TEAD3: variants seen among roughly 807,000 people sequenced by gnomAD.
The protein encoded by TEAD3 is transcriptional enhancer factor TEF-5.
Under a neutral mutation model 55.6 loss-of-function variants are expected in TEAD3, and 15 were observed. The observed-to-expected ratio is 0.27, with a 90% CI of 0.18 to 0.42. The LOEUF (loss-of-function observed/expected upper bound fraction) is 0.42, where lower values mean the gene tolerates loss of function less well. Ranked by LOEUF, TEAD3 falls within the 10% of genes least tolerant of loss-of-function variation. The pLI is 1.00. For missense variants in TEAD3, 407 were observed against 576.8 expected, an observed-to-expected ratio of 0.71 and a Z score of 3.01; for synonymous variants, 210 against 232.2, an observed-to-expected ratio of 0.90 and a Z score of 0.87.
At chr6:35,480,076 A>G in exon 4 of TEAD3, 1 of 1,529,580 alleles carries the variant, frequency 6.5e-7, no homozygotes, top group Non-Finnish European at 8.8e-7. Flanking sequence ...CTTAGACTGA[A>G]TCTCCCGAGA....
chr6:35,480,532 T>C (rs2150912280), intron 3 of TEAD3, among the ~76,000 whole-genome samples, 158 bp from the exon 4 acceptor site: 1 of 152,372 alleles, frequency 6.6e-6, no homozygotes, highest in African/African-American at 2.4e-5. Context: ...AGGGTTTATG[T>C]TGCCTGGGCT....
rs767710345 is a variant in TEAD3 at position 35,486,691 on chromosome 6, G to A, written c.-29C>T. On this transcript the variant is annotated 5_prime_UTR_variant, in exon 2 of 13. Transcript: ENST00000639578. This position sits in a 1 kb window ranked among gnomAD's most constrained non-coding sequence, Gnocchi z 7.3. ...GCTGGTTGCTCTGGGCTCTGGGCCT[G>A]AGCCCACTGGGCGGCTGAGCCTGGG... The A allele has an allele frequency of 1.2e-6, 2 of 1,604,542 alleles. No homozygotes were observed. The highest frequency in any genetic ancestry group is 8.5e-7 in the Non-Finnish European group (1 of 1,175,502).
intron 1 of TEAD3, among the ~76,000 whole-genome samples, chr6:35,490,028 T>C (rs1447578365): frequency 1.3e-5 from 2 of 152,118 alleles, no homozygotes; most frequent in Admixed American, 6.6e-5. Context: ...ACAGAGCTGT[T>C]AGAGGGGAGG....
rs180846943 is a variant in TEAD3 at position 35,475,440 on chromosome 6, G to A, written c.1090C>T (p.Arg364Cys). ...ATCATGTACTCGCACATGGGCGAGC[G>A]GTGGATACGGTACACAAAGCGCCCG... is the stretch of plus-strand genomic sequence containing the variant. The change falls in exon 12 of 13, where the codon CGC becomes TGC. Residue 364 changes from arginine to cysteine, a missense_variant. Physicochemically the swap from Arg to Cys is radical, Grantham distance 180 (BLOSUM62 -3). Transcript: ENST00000639578. This position sits in a 1 kb window ranked among gnomAD's most constrained non-coding sequence, Gnocchi z 5.4. 13 of 1,613,936 alleles carry A rather than the reference G, an allele frequency of 8.1e-6. No individual in the cohort carries two copies. The highest frequency in any genetic ancestry group is 5.0e-5 in the Admixed American group (3 of 60,022).
rs540363862 is a variant in TEAD3, at chr6:35,480,480, G to A, written c.268-358C>T. On this transcript the variant is annotated intron_variant, in intron 3 of 12. Transcript: ENST00000639578. ...AGCATCCCAGACCTCTCATCTCTAG[G>A]GAACTACATGTAAATGGGGGGACCT... is the stretch of plus-strand genomic sequence containing the variant. The A allele has an allele frequency of 1.7e-5, 20 of 1,153,838 alleles. No homozygotes were observed. The South Asian group carries it at 2.7e-4, about 16-fold the overall frequency. The allele number at this position is 1,153,838 out of a possible 1,614,324, so 71.5% of individuals were successfully genotyped here. A position where few individuals can be genotyped will look rare whatever the true frequency, so the allele number is the denominator to read the frequency against.
At chr6:35,489,869 T>C (rs1168612353) in intron 1 of TEAD3, among the ~76,000 whole-genome samples, 1 of 152,104 alleles carries the variant, frequency 6.6e-6, no homozygotes, top group African/African-American at 2.4e-5. Flanking sequence ...ACCTTGTCTC[T>C]ATTTTTAAAA....
intron 3 of TEAD3, among the ~76,000 whole-genome samples, chr6:35,481,699 A>G (rs1332304483): frequency 1.3e-5 from 2 of 152,208 alleles, no homozygotes; most frequent in Non-Finnish European, 2.9e-5. Context: ...GGAAAGGTTA[A>G]GCTGTCACAC....
At chr6:35,479,009 A>G (rs895548446) in intron 5 of TEAD3, among the ~76,000 whole-genome samples, 6 of 150,722 alleles carry the variant, frequency 4.0e-5, no homozygotes, top group Non-Finnish European at 7.4e-5. Context: ...CCTCTGGAGT[A>G]GCTGGGATTA....
chr6:35,486,374 G>A lies in TEAD3; in HGVS notation c.202+87C>T, dbSNP rs1768380351. ...CAGACTCGCCCGGCCAGCGGCTGGCGGCCTCCGACGTCACCAAACCGGTTG... is the reference window on the plus strand; with the variant it reads ...CAGACTCGCCCGGCCAGCGGCTGGCAGCCTCCGACGTCACCAAACCGGTTG... On this transcript the variant is annotated intron_variant, in intron 2 of 12. Coordinates refer to ENST00000639578, the Ensembl canonical transcript of TEAD3. The surrounding 1 kb of genome is among the most constrained non-coding windows in gnomAD (Gnocchi z 7.3). 3 of 1,453,030 alleles carry A rather than the reference G, an allele frequency of 2.1e-6. No individual in the cohort carries two copies. Among genetic ancestry groups the A allele is most frequent in the East Asian group, 2.5e-5 (1 of 40,680 alleles). 90.0% of individuals were successfully genotyped at this position (1,453,030 alleles called of 1,614,324 possible).
chr6:35,475,797 C>A lies in TEAD3; in HGVS notation c.901-91G>T. 1 of 1,508,478 alleles carries A rather than the reference C, an allele frequency of 6.6e-7. No individual in the cohort carries two copies. Among genetic ancestry groups the A allele is most frequent in the Non-Finnish European group, 8.9e-7 (1 of 1,129,564 alleles). 93.4% of individuals were successfully genotyped at this position (1,508,478 alleles called of 1,614,324 possible). On this transcript the variant is annotated intron_variant, in intron 10 of 12. Transcript: ENST00000639578. The surrounding 1 kb of genome is among the most constrained non-coding windows in gnomAD (Gnocchi z 5.4). ...CAGAGTCCTGCCCAAGGATCCATCT[C>A]TGGCACTCTGCCCACAAGCCATGAG...
chr6:35,489,160 C>T (rs1768451258), intron 1 of TEAD3, among the ~76,000 whole-genome samples: 1 of 152,236 alleles, frequency 6.6e-6, no homozygotes, highest in African/African-American at 2.4e-5. Flanking sequence ...CTACTACTAA[C>T]AGTACCTGTC....
In TEAD3 at chr6:35,475,220, C is replaced by A; in HGVS notation, c.1195-63G>T. ...GAGAAAAGGGCCACGGGGCAGGGGG[C>A]TGAACAGACCATTCTCCTTTCCGGA... On this transcript the variant is annotated intron_variant, in intron 12 of 12. Coordinates refer to ENST00000639578, the Ensembl canonical transcript of TEAD3. This position sits in a 1 kb window ranked among gnomAD's most constrained non-coding sequence, Gnocchi z 5.4. 1 of 1,576,390 alleles carries A rather than the reference C, an allele frequency of 6.3e-7. No individual in the cohort carries two copies. The highest frequency in any genetic ancestry group is 8.6e-7 in the Non-Finnish European group (1 of 1,159,436).
chr6:35,496,719 G>A lies in TEAD3; in HGVS notation c.-50+179C>T, dbSNP rs963331416. ...GGGAGGGCGGGGGGCGGGGCTTCCC[G>A]GAGAGATTTTCCCCCTTCCCTCTAA... On this transcript the variant is annotated intron_variant, in intron 1 of 12. Transcript: ENST00000639578. The surrounding 1 kb of genome is among the most constrained non-coding windows in gnomAD (Gnocchi z 4.8). Among the ~76,000 whole-genome samples, 1 of 152,084 alleles carries A rather than the reference G, an allele frequency of 6.6e-6. No individual in the cohort carries two copies. Among genetic ancestry groups the A allele is most frequent in the Non-Finnish European group, 1.5e-5 (1 of 67,974 alleles).
At chr6:35,480,465 A>G in intron 3 of TEAD3, 91 bp from the exon 4 acceptor site, 1 of 1,335,744 alleles carries the variant, frequency 7.5e-7, no homozygotes, top group African/African-American at 1.5e-5. Context: ...AGCATCCCAG[A>G]CCTCTCATCT....
rs1328731191 is a variant in TEAD3 at position 35,491,503 on chromosome 6, G to A, written c.-49-4792C>T. Among the ~76,000 whole-genome samples the A allele has an allele frequency of 6.6e-6, 1 of 152,094 alleles. No homozygotes were observed. On this transcript the variant is annotated intron_variant, in intron 1 of 12. Transcript: ENST00000639578. The surrounding 1 kb of genome is among the most constrained non-coding windows in gnomAD (Gnocchi z 4.4). ...GAGTGACAAGGGAGGCCACTGCCAG[G>A]GGCTGGGGCTGGCCACCATCCAGGA... is the stretch of plus-strand genomic sequence containing the variant.
chr6:35,480,147 A>C, intron 3 of TEAD3, 165 bp downstream of exon 4: 1 of 1,549,118 alleles, frequency 6.5e-7, no homozygotes, highest in South Asian at 1.2e-5. Context: ...AGAAAGAGAA[A>C]AAGAACAGAA....
At chr6:35,481,656 A>G (rs1768269926) in intron 3 of TEAD3, among the ~76,000 whole-genome samples, 2 of 152,206 alleles carry the variant, frequency 1.3e-5, no homozygotes, top group Admixed American at 1.3e-4. Flanking sequence ...AGGTACTAAT[A>G]TCCCTGACTT....
At chr6:35,492,030 T>C (rs1270351480) in intron 1 of TEAD3, among the ~76,000 whole-genome samples, 3 of 152,078 alleles carry the variant, frequency 2.0e-5, no homozygotes, top group African/African-American at 7.2e-5. Flanking sequence ...TCTGGGTGAG[T>C]GGGCACCTCC....
At chr6:35,477,396 T>A in intron 7 of TEAD3, 24 bp from the exon 8 acceptor site, 1 of 1,594,816 alleles carries the variant, frequency 6.3e-7, no homozygotes. Context: ...CACAGCCTGG[T>A]GAGAGGGTTC....
Sources: allele counts gnomAD v4.1 joint callset (sites outside exome capture counted in the v4.1 genomes callset), GRCh38; gene constraint gnomAD v4.1.1; non-coding constraint Gnocchi (gnomAD v3.1); transcripts MANE v1.5; gene names NCBI Gene and HGNC (gene_info 2026-07-23, HGNC 2026-07-21).